GALNT14: variants seen among roughly 807,000 people sequenced by gnomAD.
GALNT14 encodes the protein polypeptide N-acetylgalactosaminyltransferase 14.
GALNT14 carries 60 observed loss-of-function variants against 77.5 expected under a neutral mutation model. That is an observed-to-expected ratio of 0.77 (90% CI 0.63 to 0.96). GALNT14 has a LOEUF of 0.96. GALNT14 is among the 40% of genes least tolerant of loss of function. GALNT14 has a pLI of 0.00. For missense variants in GALNT14, 710 were observed against 731.0 expected (o/e 0.97, Z 0.33); for synonymous variants, 280 against 281.7 (o/e 0.99, Z 0.06).
At chr2:30,918,655 A>ATGGCATCGGGCAGGGAGGG (rs1664838087) in intron 13 of GALNT14, among the ~76,000 whole-genome samples, 3 of 55,428 alleles carry the variant, frequency 5.4e-5, no homozygotes, top group Admixed American at 3.6e-4. Flanking sequence ...GGCAGGGAGG[A>ATGGCATCGGGCAGGGAGGG]TGGCATCGGG....
intron 1 of GALNT14, among the ~76,000 whole-genome samples, chr2:31,047,729 T>A (rs1161147904): frequency 6.6e-6 from 1 of 152,198 alleles, no homozygotes; most frequent in Admixed American, 6.5e-5. Context: ...AAGACATGGA[T>A]TCCTGAGCCA....
At chr2:30,995,826 T>G (rs971083475) in intron 1 of GALNT14, among the ~76,000 whole-genome samples, 1 of 152,184 alleles carries the variant, frequency 6.6e-6, no homozygotes, top group African/African-American at 2.4e-5. Flanking sequence ...CTTTTATATA[T>G]ATAGTTTAAG....
At chr2:31,129,489 G>A in intron 1 of GALNT14, 1 of 985,392 alleles carries the variant, frequency 1.0e-6, no homozygotes, top group Middle Eastern at 5.2e-4. Flanking sequence ...GCACCCAGCT[G>A]GCAGCCATCA....
At chr2:31,054,308 A>T (rs892788061) in intron 1 of GALNT14, among the ~76,000 whole-genome samples, 1 of 152,142 alleles carries the variant, frequency 6.6e-6, no homozygotes, top group African/African-American at 2.4e-5. Flanking sequence ...ATCAAAGATG[A>T]TCTTAGCGTG....
At chr2:30,933,212 ACC>A (rs1665846537) in intron 9 of GALNT14, among the ~76,000 whole-genome samples, 1 of 152,092 alleles carries the variant, frequency 6.6e-6, no homozygotes, top group Non-Finnish European at 1.5e-5. Context: ...CAGATAATGT[ACC>A]CCCTAACTGA....
At chr2:31,026,977 T>G (rs113083831) in intron 1 of GALNT14, among the ~76,000 whole-genome samples, 1 of 152,206 alleles carries the variant, frequency 6.6e-6, no homozygotes, top group Non-Finnish European at 1.5e-5. Context: ...ATGAAACTCC[T>G]TTTTTACCTG....
At chr2:31,134,848 A>T (rs1558591691) in intron 1 of GALNT14, among the ~76,000 whole-genome samples, 2 of 152,316 alleles carry the variant, frequency 1.3e-5, no homozygotes, top group East Asian at 1.9e-4. Flanking sequence ...ATCCCATTCC[A>T]TTCTTGTCCT....
intron 2 of GALNT14, among the ~76,000 whole-genome samples, chr2:30,966,738 TG>T (rs1668034002): frequency 6.6e-6 from 1 of 152,140 alleles, no homozygotes; most frequent in Non-Finnish European, 1.5e-5. Flanking sequence ...CACTGTGTTC[TG>T]GGCTAACAGC....
At chr2:31,004,653 C>T (rs1339634215) in intron 1 of GALNT14, among the ~76,000 whole-genome samples, 1 of 152,164 alleles carries the variant, frequency 6.6e-6, no homozygotes, top group African/African-American at 2.4e-5. Context: ...GCCAGAGCAG[C>T]CTCCAACAGG....
At chr2:30,952,043 G>A (rs931906312) in intron 6 of GALNT14, among the ~76,000 whole-genome samples, 7 of 152,192 alleles carry the variant, frequency 4.6e-5, no homozygotes, top group African/African-American at 1.4e-4. Context: ...TTGACTGCAA[G>A]CGTACACTAC....
At chr2:30,922,627 C>A (rs1488004893) in intron 13 of GALNT14, among the ~76,000 whole-genome samples, 2 of 152,232 alleles carry the variant, frequency 1.3e-5, no homozygotes, top group Non-Finnish European at 2.9e-5. Flanking sequence ...GAATACAACT[C>A]ATTTCCAAGT....
At chr2:31,134,223 C>T (rs1282712754) in intron 1 of GALNT14, among the ~76,000 whole-genome samples, 2 of 152,216 alleles carry the variant, frequency 1.3e-5, no homozygotes, top group Admixed American at 6.5e-5. Flanking sequence ...CTTAATACAG[C>T]TCTCTCCAAT....
rs546068597 is a variant in GALNT14 at position 31,092,025 on chromosome 2, T to C, written c.129+45933A>G. Reference sequence around the variant, plus strand: ...TTCATCTTTCTGCCGTGCTGGATGCTTCCTGCCCTCAAACATCAGACTCTA... The same window carrying C: ...TTCATCTTTCTGCCGTGCTGGATGCCTCCTGCCCTCAAACATCAGACTCTA... On this transcript the variant is annotated intron_variant, in intron 1 of 14. Coordinates refer to ENST00000349752, the MANE Select transcript of GALNT14 (RefSeq NM_024572.4). 6.0e-4 allele frequency among the ~76,000 whole-genome samples: 92 copies of C among 152,254 alleles called. 1 individual carries two copies. Among genetic ancestry groups the C allele is most frequent in the African/African-American group, 2.1e-3 (88 of 41,542 alleles).
chr2:30,956,462 C>T (rs922072766), intron 4 of GALNT14, among the ~76,000 whole-genome samples: 4 of 152,104 alleles, frequency 2.6e-5, no homozygotes, highest in Admixed American at 2.0e-4. Flanking sequence ...ATGGAGTATC[C>T]ATCCCCTCAA....
At chr2:30,938,212 A>G (rs528584732) in intron 9 of GALNT14, among the ~76,000 whole-genome samples, 99 of 151,994 alleles carry the variant, frequency 6.5e-4, no homozygotes, top group African/African-American at 2.2e-3. Flanking sequence ...CCCCCATTTT[A>G]AATTCAGGAA....
At chr2:31,017,838 T>C (rs1163471954) in intron 1 of GALNT14, among the ~76,000 whole-genome samples, 1 of 152,212 alleles carries the variant, frequency 6.6e-6, no homozygotes, top group East Asian at 1.9e-4. Context: ...GATTTAATGA[T>C]CAGCTTTTGC....
At chr2:31,071,536 G>A (rs1353506953) in intron 1 of GALNT14, among the ~76,000 whole-genome samples, 1 of 152,044 alleles carries the variant, frequency 6.6e-6, no homozygotes, top group Non-Finnish European at 1.5e-5. Flanking sequence ...GACAGGCAGG[G>A]CTCCACACAG....
In GALNT14 at chr2:30,924,175, G is replaced by C; in HGVS notation, c.1324C>G (p.Pro442Ala). Residue 442 changes from proline (P) to alanine (A), a missense_variant, in exon 13 of 15, where the codon CCA becomes GCA. Transcript: ENST00000349752. ...ESQRQNNQET[P>A]NLKLSPCAKV... ...GCACAGGGGCTCAACTTTAGGTTTGGGGTTTCTTGGTTGTTCTGCCTTTGA... is the reference window on the plus strand; with the variant it reads ...GCACAGGGGCTCAACTTTAGGTTTGCGGTTTCTTGGTTGTTCTGCCTTTGA... The C allele has an allele frequency of 6.2e-7, 1 of 1,614,216 alleles. No individual in the cohort carries two copies. The highest frequency in any genetic ancestry group is 8.5e-7 in the Non-Finnish European group (1 of 1,180,046).
At chr2:31,123,195 A>AAC (rs1678510198) in intron 1 of GALNT14, among the ~76,000 whole-genome samples, 2 of 151,710 alleles carry the variant, frequency 1.3e-5, no homozygotes, top group African/African-American at 2.4e-5. Flanking sequence ...AAAAAAAAAA[A>AAC]AAAAAACTTT....
Sources: gnomAD v4.1 joint callset for allele counts (sites outside exome capture counted in the v4.1 genomes callset) on GRCh38, gnomAD v4.1.1 for gene constraint, MANE v1.5 for transcripts, NCBI Gene and HGNC (gene_info 2026-07-23, HGNC 2026-07-21) for gene names.